Variants in NME2 observed in about 807,000 individuals in gnomAD.
NME2 encodes NME/NM23 nucleoside diphosphate kinase 2.
NME2 carries 18 observed loss-of-function variants against 17.8 expected under a neutral mutation model. The ratio of observed to expected loss-of-function variants is 1.01; its 90% confidence interval spans 0.70 to 1.50. NME2 has a LOEUF of 1.50. Among genes scored for constraint, NME2 ranks in the 40% most tolerant of loss-of-function variants. The pLI is 0.00. For synonymous variants in NME2, 74 were observed against 71.4 expected, an observed-to-expected ratio of 1.04 and a Z score of -0.19; for missense variants, 161 against 195.6, an observed-to-expected ratio of 0.82 and a Z score of 1.05.
At chr17:51,171,184 T>C (rs894104548) in intron 4 of NME2, among the ~76,000 whole-genome samples, 1 of 152,228 alleles carries the variant, frequency 6.6e-6, no homozygotes, top group Non-Finnish European at 1.5e-5. Context: ...TGAGTATCAC[T>C]GTATTTTCCA....
intron 3 of NME2, 46 bp downstream of exon 3, chr17:51,168,389 G>T: frequency 6.3e-7 from 1 of 1,593,720 alleles, no homozygotes; most frequent in Non-Finnish European, 8.6e-7. Flanking sequence ...AAAGTGCTCA[G>T]TGTTCTTTGT....
intron 2 of NME2, 119 bp downstream of exon 2, chr17:51,167,075 G>C: frequency 6.3e-7 from 1 of 1,579,354 alleles, no homozygotes; most frequent in South Asian, 1.1e-5. Context: ...AAATCCCTTT[G>C]CCCTCTGCCC....
At chr17:51,170,174 C>G in intron 4 of NME2, 125 bp downstream of exon 4, 1 of 732,082 alleles carries the variant, frequency 1.4e-6, no homozygotes, top group Non-Finnish European at 2.1e-6. Flanking sequence ...GAGACGGAGT[C>G]TCCTTCTGCC....
At chr17:51,166,790 C>T (rs752576506) in intron 1 of NME2, 37 bp from the exon 2 acceptor site, 4 of 1,566,968 alleles carry the variant, frequency 2.6e-6, no homozygotes, top group African/African-American at 2.8e-5. Context: ...CCGCCAGAGC[C>T]TGCGCCCGGG....
rs2050068222 is a variant in NME2, at chr17:51,171,498, A to G, written c.353A>G (p.His118Arg). 1.9e-6 allele frequency: 3 copies of G among 1,613,442 alleles called. No individual in the cohort carries two copies. In the Admixed American group the frequency reaches 5.0e-5, roughly 27 times the overall value. The change falls in exon 5 of 5, where the codon CAT (histidine) becomes CGT (arginine). Residue 118 changes from histidine (H) to arginine (R), a missense_variant. His to Arg is a conservative substitution (Grantham distance 29). Transcript: ENST00000512737. ...FCIQVGRNII[H>R]GSDSVKSAEK... ...GTTTTCTTTCTTAGGAACATCATTC[A>G]TGGCAGTGATTCAGTAAAAAGTGCT...
At chr17:51,169,365 A>C (rs8079266) in intron 3 of NME2, 71,191 of 150,078 alleles carry the variant, frequency 0.47, 20,707 homozygotes, top group African/African-American at 0.84. Flanking sequence ...ATTGCTTGAA[A>C]CTGGGAGGAG....
At chr17:51,166,708 A>C in intron 1 of NME2, 119 bp from the exon 2 acceptor site, 11 of 1,069,016 alleles carry the variant, frequency 1.0e-5, no homozygotes, top group Non-Finnish European at 1.1e-5. Flanking sequence ...GCGGCCGGGA[A>C]GCCACGTGTC....
intron 1 of NME2, 87 bp downstream of exon 1, chr17:51,166,584 C>G (rs1041058599): frequency 3.6e-6 from 1 of 277,614 alleles, no homozygotes; most frequent in African/African-American, 2.2e-5. Flanking sequence ...TCTGTGGGCG[C>G]CCCCCGATTT....
chr17:51,165,648 T>G (rs574746004), upstream of NME2: 7 of 152,172 alleles, frequency 4.6e-5, no homozygotes, highest in African/African-American at 1.7e-4. Flanking sequence ...CACCTCAGGG[T>G]GAACTGGAAA....
At chr17:51,168,066 T>C in intron 2 of NME2, 176 bp from the exon 3 acceptor site, 1 of 425,170 alleles carries the variant, frequency 2.4e-6, no homozygotes, top group Non-Finnish European at 4.2e-6. Flanking sequence ...ATGGTTTGGA[T>C]GGGATTTAAA....
At chr17:51,171,066 T>C (rs772150470) in intron 4 of NME2, among the ~76,000 whole-genome samples, 1 of 152,178 alleles carries the variant, frequency 6.6e-6, no homozygotes, top group Non-Finnish European at 1.5e-5. Context: ...TAAGCAGTGT[T>C]ATGTCATGGT....
At position 51,171,720 on chromosome 17, in the gene NME2, G is replaced by A; in HGVS notation, c.*116G>A. On this transcript the variant is annotated 3_prime_UTR_variant, in exon 5 of 5. Coordinates refer to ENST00000512737, the MANE Select transcript of NME2 (RefSeq NM_002512.4). ...GATCATTCTTTTATAGAGCATATTTGCCAATAAAGCTTTTGGAAGCCGGAC... is the reference window on the plus strand; with the variant it reads ...GATCATTCTTTTATAGAGCATATTTACCAATAAAGCTTTTGGAAGCCGGAC... 1.3e-6 allele frequency: 1 copy of A among 763,034 alleles called. No individual in the cohort carries two copies. Among genetic ancestry groups the A allele is most frequent in the Admixed American group, 2.8e-5 (1 of 36,110 alleles). The allele number at this position is 763,034 out of a possible 1,614,324, so 47.3% of individuals were successfully genotyped here. A position where few individuals can be genotyped will look rare whatever the true frequency, so the allele number is the denominator to read the frequency against.
intron 1 of NME2, 113 bp downstream of exon 1, chr17:51,166,610 C>T (rs1335573273): frequency 6.1e-6 from 2 of 329,564 alleles, no homozygotes; most frequent in East Asian, 5.8e-5. Flanking sequence ...AGGTCCCGCG[C>T]GGCGTCGGAG....
chr17:51,169,758 A>T, intron 3 of NME2, 179 bp from the exon 4 acceptor site: 1 of 551,112 alleles, frequency 1.8e-6, no homozygotes, highest in Non-Finnish European at 3.1e-6. Context: ...TTTTCTTTGA[A>T]TCCTAGCAAT....
chr17:51,168,059 G>A, intron 2 of NME2, 183 bp from the exon 3 acceptor site: 1 of 413,044 alleles, frequency 2.4e-6, no homozygotes, highest in East Asian at 4.0e-5. Context: ...TAGTTTCATG[G>A]TTTGGATGGG....
rs2050033760 is a variant in NME2 at position 51,169,995 on chromosome 17, C to T, written c.287C>T (p.Pro96Leu). The change falls in exon 4 of 5, where the codon CCA (proline) becomes CTA (leucine). Residue 96 changes from proline (P) to leucine (L), a missense_variant. Pro to Leu is a moderately conservative substitution (Grantham distance 98, BLOSUM62 -3). Coordinates refer to ENST00000512737, the MANE Select transcript of NME2 (RefSeq NM_002512.4). Reference protein sequence around the residue: ...TGRVMLGETNPADSKPGTIRG... With the variant: ...TGRVMLGETNLADSKPGTIRG... ...CGAGTGATGCTTGGGGAGACCAATC[C>T]AGCAGATTCAAAGCCAGGCACCATT... 6.2e-7 allele frequency: 1 copy of T among 1,613,406 alleles called. No individual in the cohort carries two copies. The highest frequency in any genetic ancestry group is 8.5e-7 in the Non-Finnish European group (1 of 1,179,786).
intron 4 of NME2, among the ~76,000 whole-genome samples, chr17:51,170,390 T>A (rs1050180222): frequency 1.3e-5 from 2 of 151,922 alleles, no homozygotes; most frequent in Non-Finnish European, 2.9e-5. Flanking sequence ...TCCGCCTGCC[T>A]CGGCCCCCCA....
Position 51,168,348 on chromosome 17 carries a change from G to A in NME2, c.228+5G>A. 1 of 1,613,692 alleles carries A rather than the reference G, an allele frequency of 6.2e-7. No homozygotes were observed. On this transcript the variant is annotated splice_donor_5th_base_variant and intron_variant, in intron 3 of 4. Transcript: ENST00000512737. ...TCAGGGCCGGTTGTGGCCATGGTGAGTGCTCGTGGGGAATGAGAGAAAATG... is the reference window on the plus strand; with the variant it reads ...TCAGGGCCGGTTGTGGCCATGGTGAATGCTCGTGGGGAATGAGAGAAAATG...
In NME2 at chr17:51,171,561, TG is replaced by T. The variant is rs776858264; in HGVS notation, c.418del (p.Val140LeufsTer49). ...EISLWFKPEELVDYKSCAHDW... is the reference protein window; with the variant it reads ...EISLWFKPEEXVDYKSCAHDW... ...AGCCTATGGTTTAAGCCTGAAGAAC[TG>T]GTTGACTACAAGTCTTGTGCTCATG... On this transcript the variant is annotated frameshift_variant, in exon 5 of 5. Coordinates refer to ENST00000512737, the MANE Select transcript of NME2 (RefSeq NM_002512.4). LOFTEE classifies it high-confidence loss of function. 10 of 1,613,808 alleles carry T rather than the reference TG, an allele frequency of 6.2e-6. No homozygotes were observed. The South Asian group carries it at 1.1e-4, about 18-fold the overall frequency.
Sources: allele counts gnomAD v4.1 joint callset (sites outside exome capture counted in the v4.1 genomes callset), GRCh38; gene constraint gnomAD v4.1.1; transcripts MANE v1.5; gene names NCBI Gene and HGNC (gene_info 2026-07-23, HGNC 2026-07-21).